Variants in LRP2 observed in about 807,000 individuals in gnomAD.
LRP2 encodes low-density lipoprotein receptor-related protein 2.
A neutral mutation model predicts 531.0 loss-of-function variants in LRP2; 172 were observed. The observed-to-expected ratio is 0.32, with a 90% CI of 0.29 to 0.37. LRP2 has a LOEUF of 0.37. Ranked by LOEUF, LRP2 falls within the 10% of genes least tolerant of loss-of-function variation. LRP2 has a pLI of 1.00. For missense variants in LRP2, 5,167 were observed against 5,868.3 expected, an observed-to-expected ratio of 0.88 and a Z score of 3.90; for synonymous variants, 1,992 against 2,027.6, an observed-to-expected ratio of 0.98 and a Z score of 0.47.
intron 58 of LRP2, among the ~76,000 whole-genome samples, chr2:169,170,933 T>TTTC (rs1686979483): frequency 6.8e-6 from 1 of 147,150 alleles, no homozygotes. Flanking sequence ...TTTTTTTTTT[T>TTTC]TTTTTTTTTT....
rs896507783 is a variant in LRP2, at chr2:169,181,384, T to C, written c.10169+64A>G. The C allele has an allele frequency of 3.4e-4, 515 of 1,527,684 alleles. 2 individuals carry two copies. The highest frequency in any genetic ancestry group is 4.4e-4 in the South Asian group (39 of 88,776). The allele number at this position is 1,527,684 out of a possible 1,614,324, so 94.6% of individuals were successfully genotyped here. Reference sequence around the variant, plus strand: ...AATAGAGGGGACTAATAGACTGGAATCACAAGCTCTGATGTTTGAAATAAA... The same window carrying C: ...AATAGAGGGGACTAATAGACTGGAACCACAAGCTCTGATGTTTGAAATAAA... On this transcript the variant is annotated intron_variant, in intron 52 of 78. Transcript: ENST00000649046.
intron 1 of LRP2, among the ~76,000 whole-genome samples, chr2:169,346,952 A>G (rs1280582357): frequency 6.6e-6 from 1 of 152,244 alleles, no homozygotes; most frequent in Non-Finnish European, 1.5e-5. Context: ...CCTTCCTAAT[A>G]GATCACAGCT....
At chr2:169,221,801 C>A (rs1689020090) in intron 33 of LRP2, among the ~76,000 whole-genome samples, 1 of 152,048 alleles carries the variant, frequency 6.6e-6, no homozygotes, top group Admixed American at 6.6e-5. Context: ...GGTAGCTTTT[C>A]TTTTCTCGGT....
At chr2:169,314,159 G>C (rs924870970) in intron 3 of LRP2, among the ~76,000 whole-genome samples, 22 of 152,020 alleles carry the variant, frequency 1.4e-4, no homozygotes, top group African/African-American at 4.8e-4. Flanking sequence ...AGCTATGGGA[G>C]ATTGAGGCAA....
At chr2:169,139,807 C>A in intron 72 of LRP2, 197 bp from the exon 73 acceptor site, 1 of 667,164 alleles carries the variant, frequency 1.5e-6, no homozygotes, top group Non-Finnish European at 2.7e-6. Flanking sequence ...TTTAGAAATG[C>A]ACTTGTAATG....
chr2:169,138,844 A>G lies in LRP2; in HGVS notation c.13389-138T>C, dbSNP rs139298479. The stretch of plus-strand genomic sequence containing the variant: ...AAATGTAATGCTCAATTCCCACTCT[A>G]AATTTACACTGTCAAATATGGTAGT... On this transcript the variant is annotated intron_variant, in intron 74 of 78. Coordinates refer to ENST00000649046, the MANE Select transcript of LRP2 (RefSeq NM_004525.3). The G allele has an allele frequency of 5.3e-4, 519 of 976,384 alleles. 3 individuals carry two copies. The East Asian group carries it at 0.01, about 20-fold the overall frequency. The allele number at this position is 976,384 out of a possible 1,614,324, so 60.5% of individuals were successfully genotyped here.
intron 12 of LRP2, among the ~76,000 whole-genome samples, chr2:169,278,462 C>A (rs1337830678): frequency 6.6e-6 from 1 of 151,890 alleles, no homozygotes; most frequent in African/African-American, 2.4e-5. Flanking sequence ...CCAGCCTGGG[C>A]AACAGAGCAA....
chr2:169,308,188 CA>C (rs1476033551), intron 3 of LRP2, among the ~76,000 whole-genome samples: 1 of 151,918 alleles, frequency 6.6e-6, no homozygotes, highest in Non-Finnish European at 1.5e-5. Flanking sequence ...GATTTGCTCT[CA>C]ATTTTTACAA....
intron 4 of LRP2, among the ~76,000 whole-genome samples, chr2:169,303,813 G>A (rs1684344548): frequency 6.6e-6 from 1 of 152,082 alleles, no homozygotes; most frequent in South Asian, 2.1e-4. Flanking sequence ...AGTGTGCCCT[G>A]AAGGGTTCAT....
intron 1 of LRP2, among the ~76,000 whole-genome samples, chr2:169,323,335 C>T (rs969628261): frequency 6.6e-6 from 1 of 152,190 alleles, no homozygotes; most frequent in East Asian, 1.9e-4. Flanking sequence ...AAAAAACAAA[C>T]TGATACTTTA....
intron 17 of LRP2, 28 bp downstream of exon 17, chr2:169,258,997 G>C (rs1241038651): frequency 6.2e-7 from 1 of 1,606,026 alleles, no homozygotes; most frequent in South Asian, 1.1e-5. Context: ...ACAGTTTCAA[G>C]CTCTTAGGAA....
intron 1 of LRP2, among the ~76,000 whole-genome samples, chr2:169,356,488 C>G (rs1685990667): frequency 6.6e-6 from 1 of 152,194 alleles, no homozygotes; most frequent in Non-Finnish European, 1.5e-5. Context: ...CATTCATTGC[C>G]TTTGCATAAC....
chr2:169,206,909 T>A lies in LRP2; in HGVS notation c.6811A>T (p.Ile2271Phe). Reference sequence around the variant, plus strand: ...GTTGGGTAACGACTGCCATAACGAATCACTTCAGAGTTCTCTCCATTGATA... The same window carrying A: ...GTTGGGTAACGACTGCCATAACGAAACACTTCAGAGTTCTCTCCATTGATA... ...IRINGENSEV[I>F]RYGSRYPTPY... Residue 2271 changes from isoleucine (I) to phenylalanine (F), a missense_variant, in exon 39 of 79, where the codon ATT (isoleucine) becomes TTT (phenylalanine). Around this residue, in one of 6 missense-constraint regions of LRP2, gnomAD observed 2,811 missense variants for 3,058.0 expected, o/e 0.92. Transcript: ENST00000649046. The A allele has an allele frequency of 1.2e-6, 2 of 1,614,184 alleles. No individual in the cohort carries two copies. The highest frequency in any genetic ancestry group is 2.2e-5 in the East Asian group (1 of 44,888).
At chr2:169,160,684 A>AAAAAAACAAAAAAACAAAAAAAC (rs1686545880) in intron 63 of LRP2, among the ~76,000 whole-genome samples, 1 of 98,230 alleles carries the variant, frequency 1.0e-5, no homozygotes, top group African/African-American at 4.2e-5. Flanking sequence ...TATTTCCTTA[A>AAAAAAACAAAAAAACAAAAAAAC]AAAAAAAAAA....
intron 45 of LRP2, 65 bp downstream of exon 45, chr2:169,198,721 C>A (rs1237237894): frequency 2.5e-6 from 4 of 1,589,256 alleles, no homozygotes; most frequent in African/African-American, 2.7e-5. Context: ...CGCTTCATAT[C>A]TTTGTATTAG....
chr2:169,340,214 T>G (rs1685527920), intron 1 of LRP2, among the ~76,000 whole-genome samples: 1 of 152,194 alleles, frequency 6.6e-6, no homozygotes, highest in Non-Finnish European at 1.5e-5. Context: ...CATAATATTG[T>G]TTCCAGTTTT....
chr2:169,361,334 CTCTCTGT>C (rs2105592580), intron 1 of LRP2, among the ~76,000 whole-genome samples: 1 of 62,614 alleles, frequency 1.6e-5, no homozygotes, highest in East Asian at 3.7e-4. Flanking sequence ...CTCTCTGTCT[CTCTCTGT>C]CTCTCTCTGT....
In LRP2 at chr2:169,306,391, G is replaced by A. The variant is rs559389838; in HGVS notation, c.427+890C>T. ...TCTACTAAAAATACAAAAATTAGTC[G>A]GGCGTGGTGGCGCATGCCTGTAATC... On this transcript the variant is annotated intron_variant, in intron 4 of 78. Transcript: ENST00000649046. Among the ~76,000 whole-genome samples, 113 of 152,004 alleles carry A rather than the reference G, an allele frequency of 7.4e-4. 1 individual carries two copies. Among genetic ancestry groups the A allele is most frequent in the Middle Eastern group, 6.8e-3 (2 of 294 alleles).
At chr2:169,156,597 C>T (rs1057182242) in intron 64 of LRP2, among the ~76,000 whole-genome samples, 192 bp from the exon 65 acceptor site, 4 of 152,120 alleles carry the variant, frequency 2.6e-5, no homozygotes, top group Non-Finnish European at 4.4e-5. Context: ...ATATTTTCCT[C>T]GTTTAGTCTT....
Sources: gnomAD v4.1 joint callset for allele counts (sites outside exome capture counted in the v4.1 genomes callset) on GRCh38, gnomAD v4.1.1 for gene constraint, gnomAD v4.1.1 regional missense constraint, MANE v1.5 for transcripts, NCBI Gene and HGNC (gene_info 2026-07-23, HGNC 2026-07-21) for gene names.